Variants in CALN1 observed in about 807,000 individuals in gnomAD.
CALN1 encodes the protein calneuron 1, also known as calcium-binding protein 8.
In CALN1, 17 loss-of-function variants were observed where a neutral mutation model predicts 30.6. That is an observed-to-expected ratio of 0.56 (90% confidence interval 0.38 to 0.83). The LOEUF is 0.83. Among genes scored for constraint, CALN1 ranks in the 40% least tolerant of loss-of-function variants. The pLI is 0.00. For synonymous variants in CALN1, 156 were observed against 131.4 expected, an observed-to-expected ratio of 1.19 and a Z score of -1.28; for missense variants, 291 against 354.9, an observed-to-expected ratio of 0.82 and a Z score of 1.45.
At chr7:72,344,732 T>TTA (rs1295088519) in intron 2 of CALN1, among the ~76,000 whole-genome samples, 1 of 147,428 alleles carries the variant, frequency 6.8e-6, no homozygotes, top group Non-Finnish European at 1.5e-5. Context: ...AAATGGCTTT[T>TTA]TATAAATGGA....
chr7:72,500,829 C>T, the CALN1 span, among the ~76,000 whole-genome samples: 1 of 151,908 alleles, frequency 6.6e-6, no homozygotes, highest in Non-Finnish European at 1.5e-5. Flanking sequence ...ATTCCAGATT[C>T]ACTGTGTATT....
At chr7:72,486,174 T>C in the CALN1 span, among the ~76,000 whole-genome samples, 1 of 152,162 alleles carries the variant, frequency 6.6e-6, no homozygotes, top group South Asian at 2.1e-4. Context: ...TATTTATGTA[T>C]CTAAACATAT....
At chr7:72,130,028 A>T (rs563886487) in intron 3 of CALN1, among the ~76,000 whole-genome samples, 12 of 152,222 alleles carry the variant, frequency 7.9e-5, no homozygotes, top group East Asian at 7.7e-4. Flanking sequence ...TTCTCTCAAC[A>T]GCTGGTTGTT....
chr7:72,065,176 G>A (rs2129537337), intron 4 of CALN1, among the ~76,000 whole-genome samples: 1 of 149,056 alleles, frequency 6.7e-6, no homozygotes, highest in African/African-American at 2.5e-5. Flanking sequence ...ATATTTTAAT[G>A]ACCTTTATCA....
intron 2 of CALN1, among the ~76,000 whole-genome samples, chr7:72,306,602 T>G (rs1260566229): frequency 1.2e-4 from 17 of 137,640 alleles, no homozygotes; most frequent in Non-Finnish European, 2.7e-4. Flanking sequence ...AGCTTTTAAA[T>G]AAACTCTCAT....
At chr7:72,241,688 AAG>A (rs1794845110) in intron 3 of CALN1, among the ~76,000 whole-genome samples, 1 of 152,150 alleles carries the variant, frequency 6.6e-6, no homozygotes, top group African/African-American at 2.4e-5. Flanking sequence ...CCTGGGCAAT[AAG>A]AGTGAAACTC....
intron 4 of CALN1, among the ~76,000 whole-genome samples, chr7:72,026,992 C>T (rs914659699): frequency 3.9e-5 from 6 of 152,122 alleles, no homozygotes; most frequent in African/African-American, 1.4e-4. Flanking sequence ...GGCTGGATGG[C>T]CAAACAGTCT....
intron 1 of CALN1, among the ~76,000 whole-genome samples, chr7:72,440,395 T>G (rs1330048018): frequency 1.3e-5 from 2 of 152,210 alleles, no homozygotes; most frequent in African/African-American, 4.8e-5. Context: ...CTTATACAGT[T>G]TTATGACCAG....
At chr7:72,444,712 G>A (rs189379922) in intron 1 of CALN1, among the ~76,000 whole-genome samples, 122 of 152,274 alleles carry the variant, frequency 8.0e-4, no homozygotes, top group Non-Finnish European at 1.8e-4. Flanking sequence ...GCAATTGAAA[G>A]AAGAGATACT....
At chr7:72,003,515 G>A (rs902205098) in intron 5 of CALN1, among the ~76,000 whole-genome samples, 10 of 152,142 alleles carry the variant, frequency 6.6e-5, no homozygotes, top group African/African-American at 2.4e-4. Flanking sequence ...GCTTCCCATC[G>A]CTCGCATTAC....
chr7:72,048,041 C>CTTT lies in CALN1; in HGVS notation c.389-24275_389-24273dup, dbSNP rs1159186115. Among the ~76,000 whole-genome samples the CTTT allele has an allele frequency of 6.4e-4, 82 of 127,594 alleles. No homozygotes were observed. The East Asian group carries it at 6.8e-3, about 11-fold the overall frequency. 83.7% of individuals were successfully genotyped at this position (127,594 alleles called of 152,430 possible). On this transcript the variant is annotated intron_variant, in intron 4 of 6. Transcript: ENST00000395275. ...ATTCATATTGCTTCTTCTTCTTCTTCTTTTTTTTTTTTTTTTGAGACAGAG... is the reference window on the plus strand; with the variant it reads ...ATTCATATTGCTTCTTCTTCTTCTTCTTTTTTTTTTTTTTTTTTTGAGACAGAG...
intron 6 of CALN1, among the ~76,000 whole-genome samples, chr7:71,793,894 C>CA (rs1786729316): frequency 6.6e-6 from 1 of 151,964 alleles, no homozygotes; most frequent in African/African-American, 2.4e-5. Context: ...GAAACACATA[C>CA]AAAAAAGATC....
intron 3 of CALN1, among the ~76,000 whole-genome samples, chr7:72,266,697 G>C (rs1034619): frequency 0.19 from 28,721 of 152,084 alleles, 3,768 homozygotes; most frequent in East Asian, 0.43. Context: ...TGGCAGGGAA[G>C]GTAGGTACTC....
chr7:71,919,453 A>G (rs1584510265), intron 5 of CALN1, among the ~76,000 whole-genome samples: 2 of 152,312 alleles, frequency 1.3e-5, no homozygotes, highest in Non-Finnish European at 1.5e-5. Flanking sequence ...TTTCATAGTC[A>G]TTGTGTTAGG....
intron 3 of CALN1, among the ~76,000 whole-genome samples, chr7:72,160,076 C>G (rs1009345557): frequency 9.2e-5 from 14 of 152,044 alleles, no homozygotes; most frequent in Admixed American, 7.9e-4. Flanking sequence ...CAAACAAGTC[C>G]ATCTGGTATT....
chr7:71,823,359 C>T (rs1022503023), intron 5 of CALN1, among the ~76,000 whole-genome samples: 9 of 152,058 alleles, frequency 5.9e-5, no homozygotes, highest in South Asian at 2.1e-4. Flanking sequence ...TTTGTAGAGA[C>T]GGGATGTGTG....
intron 4 of CALN1, among the ~76,000 whole-genome samples, chr7:72,092,780 G>T (rs995219317): frequency 1.3e-5 from 2 of 152,114 alleles, no homozygotes; most frequent in African/African-American, 4.8e-5. Flanking sequence ...CATGTGACTT[G>T]CTTTAGCCAG....
intron 6 of CALN1, among the ~76,000 whole-genome samples, chr7:71,795,149 G>A (rs934885959): frequency 2.0e-5 from 3 of 151,942 alleles, no homozygotes; most frequent in Admixed American, 6.6e-5. Context: ...CCCGAGTAGC[G>A]GAGAGGGGAT....
chr7:72,125,527 A>AT (rs925467857), intron 3 of CALN1, among the ~76,000 whole-genome samples: 16 of 152,290 alleles, frequency 1.1e-4, no homozygotes, highest in African/African-American at 3.4e-4. Context: ...TGCTACAGAA[A>AT]TTTTTTTTAA....
Sources: allele counts gnomAD v4.1 joint callset (sites outside exome capture counted in the v4.1 genomes callset), GRCh38; gene constraint gnomAD v4.1.1; transcripts MANE v1.5; gene names NCBI Gene and HGNC (gene_info 2026-07-23, HGNC 2026-07-21).